Variants in PLXDC2 observed in about 807,000 individuals in gnomAD.
PLXDC2 encodes plexin domain-containing protein 2.
A neutral mutation model predicts 68.9 loss-of-function variants in PLXDC2; 40 were observed. The observed-to-expected ratio is 0.58, with a 90% CI of 0.45 to 0.76. The LOEUF (loss-of-function observed/expected upper bound fraction) is 0.76. Among genes scored for constraint, PLXDC2 ranks in the 30% least tolerant of loss-of-function variants. The pLI is 0.00. For missense variants in PLXDC2, 644 were observed against 661.9 expected (o/e 0.97, Z 0.30); for synonymous variants, 243 against 234.2 (o/e 1.04, Z -0.34).
At chr10:20,137,850 G>T (rs2131784157) in intron 4 of PLXDC2, among the ~76,000 whole-genome samples, 1 of 152,252 alleles carries the variant, frequency 6.6e-6, no homozygotes, top group South Asian at 2.1e-4. Flanking sequence ...ACATTCCAAA[G>T]ATGTGCACAT....
intron 5 of PLXDC2, among the ~76,000 whole-genome samples, chr10:20,145,035 A>G (rs1834054353): frequency 6.6e-6 from 1 of 152,218 alleles, no homozygotes; most frequent in African/African-American, 2.4e-5. Flanking sequence ...GGCTATAAGA[A>G]ATCATTTTAT....
rs563462887 is a variant in PLXDC2, at chr10:19,878,327, A to G, written c.112+61136A>G. ...AGTGATCCTCCTGTCTCAGCCTCCTAAGTATCTGAACTACAACCATGTACC... is the reference window on the plus strand; with the variant it reads ...AGTGATCCTCCTGTCTCAGCCTCCTGAGTATCTGAACTACAACCATGTACC... On this transcript the variant is annotated intron_variant, in intron 1 of 13. Transcript: ENST00000377252. 1.4e-3 allele frequency among the ~76,000 whole-genome samples: 217 copies of G among 152,198 alleles called. 1 individual carries two copies. Among genetic ancestry groups the G allele is most frequent in the African/African-American group, 5.0e-3 (206 of 41,510 alleles).
At chr10:20,068,080 C>A in intron 3 of PLXDC2, 90 bp from the exon 4 acceptor site, 1 of 1,056,772 alleles carries the variant, frequency 9.5e-7, no homozygotes, top group Non-Finnish European at 1.4e-6. Context: ...AAAGTAGAAG[C>A]ATCATTTTTG....
At chr10:20,189,476 CATATATATATAT>C (rs59999548) in intron 9 of PLXDC2, among the ~76,000 whole-genome samples, 23 of 75,784 alleles carry the variant, frequency 3.0e-4, no homozygotes, top group Admixed American at 1.3e-3. Context: ...AAAGGTAGGC[CATATATATATAT>C]ATATATATAT....
intron 1 of PLXDC2, among the ~76,000 whole-genome samples, chr10:19,968,030 A>G (rs1215073251): frequency 6.6e-6 from 1 of 152,256 alleles, no homozygotes; most frequent in Non-Finnish European, 1.5e-5. Context: ...AAGATAAGTT[A>G]GTTCAAATAT....
intron 3 of PLXDC2, among the ~76,000 whole-genome samples, chr10:20,060,844 G>A (rs998919690): frequency 3.3e-5 from 5 of 152,152 alleles, no homozygotes; most frequent in African/African-American, 1.2e-4. Flanking sequence ...CTTATAACAG[G>A]TAGGAAATGA....
intron 3 of PLXDC2, among the ~76,000 whole-genome samples, chr10:20,061,013 A>C (rs947602171): frequency 6.6e-6 from 1 of 152,162 alleles, no homozygotes; most frequent in Admixed American, 6.5e-5. Context: ...GTTTTGAAAT[A>C]ATTTCAGACT....
intron 1 of PLXDC2, among the ~76,000 whole-genome samples, chr10:19,939,644 T>C (rs1379926117): frequency 6.6e-6 from 1 of 152,160 alleles, no homozygotes; most frequent in Non-Finnish European, 1.5e-5. Flanking sequence ...TCCCTCTTCC[T>C]TTTTCTCCCT....
intron 4 of PLXDC2, among the ~76,000 whole-genome samples, chr10:20,104,791 G>A (rs961425861): frequency 2.6e-5 from 4 of 152,046 alleles, no homozygotes; most frequent in African/African-American, 4.8e-5. Flanking sequence ...GGTGTCTCAC[G>A]CCTGTAATCC....
At chr10:19,924,657 C>G (rs1374681190) in intron 1 of PLXDC2, among the ~76,000 whole-genome samples, 2 of 152,192 alleles carry the variant, frequency 1.3e-5, no homozygotes, top group Non-Finnish European at 2.9e-5. Flanking sequence ...CTGTATTTAA[C>G]TCTTAGGCAG....
intron 1 of PLXDC2, among the ~76,000 whole-genome samples, chr10:19,962,642 G>C (rs1391865673): frequency 6.9e-6 from 1 of 145,088 alleles, no homozygotes; most frequent in South Asian, 2.2e-4. Flanking sequence ...CGCCTGCCTC[G>C]GCCTCCCGAA....
At chr10:20,237,025 T>A (rs1262413555) in intron 12 of PLXDC2, among the ~76,000 whole-genome samples, 1 of 151,356 alleles carries the variant, frequency 6.6e-6, no homozygotes, top group Non-Finnish European at 1.5e-5. Flanking sequence ...AGGATAGTCA[T>A]CCTGTAAGAT....
At chr10:19,939,116 C>T (rs1833774043) in intron 1 of PLXDC2, among the ~76,000 whole-genome samples, 1 of 152,058 alleles carries the variant, frequency 6.6e-6, no homozygotes, top group South Asian at 2.1e-4. Context: ...TGAGAAGGCT[C>T]AAATGAAATA....
chr10:19,920,219 C>A (rs143477495), intron 1 of PLXDC2, among the ~76,000 whole-genome samples: 9 of 152,250 alleles, frequency 5.9e-5, no homozygotes, highest in Admixed American at 2.0e-4. Context: ...TGATACATAA[C>A]GGGTGGTGGG....
chr10:19,908,879 G>T (rs74122113), intron 1 of PLXDC2, among the ~76,000 whole-genome samples: 3,521 of 152,190 alleles, frequency 0.023, 132 homozygotes, highest in African/African-American at 0.08. Context: ...AGGCGACCTT[G>T]CTTTTCTTTG....
intron 4 of PLXDC2, among the ~76,000 whole-genome samples, chr10:20,098,057 C>A (rs1341923339): frequency 6.6e-6 from 1 of 151,522 alleles, no homozygotes; most frequent in African/African-American, 2.4e-5. Flanking sequence ...ACTCTCCTAT[C>A]AGTTTTATTG....
chr10:19,967,520 A>G (rs1014398603), intron 1 of PLXDC2, among the ~76,000 whole-genome samples: 1 of 152,216 alleles, frequency 6.6e-6, no homozygotes, highest in Non-Finnish European at 1.5e-5. Context: ...GAACTAGAAA[A>G]AATAGAATAA....
intron 1 of PLXDC2, among the ~76,000 whole-genome samples, chr10:19,934,266 A>G (rs1464521936): frequency 3.3e-5 from 5 of 152,372 alleles, no homozygotes; most frequent in African/African-American, 7.2e-5. Context: ...CATAATGCTC[A>G]TGACCATTCT....
chr10:19,869,483 A>AGGGGGG (rs1837492156), intron 1 of PLXDC2, among the ~76,000 whole-genome samples: 1 of 8,324 alleles, frequency 1.2e-4, no homozygotes, highest in Non-Finnish European at 2.1e-4. Context: ...GGGGGGGGAG[A>AGGGGGG]GGGTGGGAGG....
Sources: allele counts gnomAD v4.1 joint callset (sites outside exome capture counted in the v4.1 genomes callset), GRCh38; gene constraint gnomAD v4.1.1; transcripts MANE v1.5; gene names NCBI Gene and HGNC (gene_info 2026-07-23, HGNC 2026-07-21).